Variants in DNAJC15 observed in about 807,000 individuals in gnomAD.
The protein encoded by DNAJC15 is dnaJ homolog subfamily C member 15.
A neutral mutation model predicts 22.4 loss-of-function variants in DNAJC15; 27 were observed. The observed-to-expected ratio is 1.20, with a 90% CI of 0.89 to 1.66. The LOEUF (loss-of-function observed/expected upper bound fraction) is 1.66, where lower values mean the gene tolerates loss of function less well. DNAJC15 is among the 40% of genes most tolerant of loss of function. DNAJC15 has a pLI of 0.00. For missense variants in DNAJC15, 208 were observed against 187.1 expected, an observed-to-expected ratio of 1.11 and a Z score of -0.65; for synonymous variants, 79 against 63.2, an observed-to-expected ratio of 1.25 and a Z score of -1.19.
intron 1 of DNAJC15, among the ~76,000 whole-genome samples, chr13:43,052,823 A>G (rs751133498): frequency 2.0e-5 from 3 of 152,042 alleles, no homozygotes; most frequent in Non-Finnish European, 2.9e-5. Context: ...GTTTGCAAAG[A>G]TTTTCCCCTA....
chr13:43,078,086 A>G (rs558152940), intron 3 of DNAJC15, among the ~76,000 whole-genome samples: 2 of 152,124 alleles, frequency 1.3e-5, no homozygotes, highest in African/African-American at 2.4e-5. Flanking sequence ...TCTGGTTCCC[A>G]TTATATCTCG....
intron 3 of DNAJC15, among the ~76,000 whole-genome samples, chr13:43,075,608 G>T (rs1395925380): frequency 6.6e-6 from 1 of 151,424 alleles, no homozygotes; most frequent in East Asian, 1.9e-4. Flanking sequence ...AGTAACGTAT[G>T]CATCTAGTAA....
intron 1 of DNAJC15, among the ~76,000 whole-genome samples, chr13:43,026,249 T>C (rs757688460): frequency 1.3e-4 from 20 of 152,232 alleles, no homozygotes; most frequent in Non-Finnish European, 2.6e-4. Flanking sequence ...AATAATGATA[T>C]ATTTATATAT....
chr13:43,035,210 G>A (rs2040423901), intron 1 of DNAJC15, among the ~76,000 whole-genome samples: 1 of 152,134 alleles, frequency 6.6e-6, no homozygotes, highest in Non-Finnish European at 1.5e-5. Context: ...TGGTGTTAGG[G>A]ACTGCTAATG....
intron 1 of DNAJC15, among the ~76,000 whole-genome samples, chr13:43,051,665 A>G (rs9533362): frequency 0.23 from 31,747 of 140,046 alleles, 4,240 homozygotes; most frequent in Non-Finnish European, 0.31. Flanking sequence ...GTGTGTGTAT[A>G]TATATCACAT....
At chr13:43,079,257 ACT>A (rs991419381) in intron 4 of DNAJC15, among the ~76,000 whole-genome samples, 1 of 152,092 alleles carries the variant, frequency 6.6e-6, no homozygotes, top group African/African-American at 2.4e-5. Flanking sequence ...CTTAGAGCCT[ACT>A]CTCAAGTTTT....
intron 5 of DNAJC15, among the ~76,000 whole-genome samples, chr13:43,090,381 G>A (rs77365225): frequency 0.011 from 1,643 of 152,272 alleles, 37 homozygotes; most frequent in African/African-American, 0.038. Context: ...TAAGTACTAA[G>A]TTAGGTTGTA....
chr13:43,056,425 CTG>C (rs1012491272), intron 1 of DNAJC15, among the ~76,000 whole-genome samples: 10 of 152,218 alleles, frequency 6.6e-5, no homozygotes, highest in Admixed American at 5.9e-4. Flanking sequence ...GTGTGAACCA[CTG>C]TGCCCAGCTG....
chr13:43,052,505 C>T (rs2040510077), intron 1 of DNAJC15, among the ~76,000 whole-genome samples: 1 of 151,700 alleles, frequency 6.6e-6, no homozygotes, highest in Non-Finnish European at 1.5e-5. Flanking sequence ...ACAACCTCCA[C>T]CTCCTGGGTT....
chr13:43,081,530 C>T (rs1483967031), intron 4 of DNAJC15, among the ~76,000 whole-genome samples: 14 of 152,126 alleles, frequency 9.2e-5, no homozygotes, highest in African/African-American at 3.4e-4. Flanking sequence ...GCTGCGCCTC[C>T]CAGGTTCACG....
intron 1 of DNAJC15, among the ~76,000 whole-genome samples, chr13:43,026,528 G>A (rs2040381573): frequency 6.6e-6 from 1 of 152,106 alleles, no homozygotes; most frequent in South Asian, 2.1e-4. Context: ...TAATGAGGCA[G>A]AAGATTGTTG....
chr13:43,104,684 TTTTCTTTTC>T (rs1214894530), intron 5 of DNAJC15, among the ~76,000 whole-genome samples: 1 of 144,256 alleles, frequency 6.9e-6, no homozygotes, highest in Admixed American at 7.0e-5. Context: ...TTTTCTTTTC[TTTTCTTTTC>T]TTTTTTTTTT....
chr13:43,044,125 CCTCTCTTTTTTT>C (rs1467117711), intron 1 of DNAJC15, among the ~76,000 whole-genome samples: 5 of 152,218 alleles, frequency 3.3e-5, no homozygotes, highest in African/African-American at 1.2e-4. Flanking sequence ...TTTCTTGTTT[CCTCTCTTTTTTT>C]CTCCTTTCCA....
intron 3 of DNAJC15, among the ~76,000 whole-genome samples, chr13:43,076,062 G>A (rs1489985062): frequency 6.6e-6 from 1 of 152,084 alleles, no homozygotes; most frequent in Non-Finnish European, 1.5e-5. Context: ...TATAAAATTT[G>A]TTCAGGTTAG....
chr13:43,053,497 T>G (rs1469664433), intron 1 of DNAJC15, among the ~76,000 whole-genome samples: 1 of 152,218 alleles, frequency 6.6e-6, no homozygotes, highest in Non-Finnish European at 1.5e-5. Flanking sequence ...CTTTTGGCAG[T>G]ACAGTCATTT....
chr13:43,058,492 G>A (rs1460443217), intron 1 of DNAJC15, among the ~76,000 whole-genome samples: 2 of 152,114 alleles, frequency 1.3e-5, no homozygotes, highest in Non-Finnish European at 2.9e-5. Context: ...CCACTGTGGG[G>A]TATGGGGGTG....
chr13:43,097,781 T>C (rs2040747077), intron 5 of DNAJC15, among the ~76,000 whole-genome samples: 1 of 151,804 alleles, frequency 6.6e-6, no homozygotes, highest in Admixed American at 6.6e-5. Flanking sequence ...CTATTAAAAA[T>C]ACAAAATTAG....
At chr13:43,044,791 C>T (rs995491582) in intron 1 of DNAJC15, among the ~76,000 whole-genome samples, 2 of 151,868 alleles carry the variant, frequency 1.3e-5, no homozygotes, top group African/African-American at 4.8e-5. Context: ...GCCTTACCTC[C>T]GAACTCTATC....
rs1157843877 is a variant in DNAJC15 at position 43,112,419 on chromosome 13, T to C, written c.*5171T>C. 1.3e-5 allele frequency: 2 copies of C among 152,236 alleles called. No individual in the cohort carries two copies. Among genetic ancestry groups the C allele is most frequent in the African/African-American group, 4.8e-5 (2 of 41,468 alleles). 9.4% of individuals were successfully genotyped at this position (152,236 alleles called of 1,614,324 possible). On this transcript the variant is annotated 3_prime_UTR_variant, in exon 6 of 6. Transcript: ENST00000379221. ...GTGGAATATGATCACTCAGGCTAGA[T>C]GTTGGCCATAAATTTCAAATTAGTA... is the stretch of plus-strand genomic sequence containing the variant.
Sources: allele counts gnomAD v4.1 joint callset (sites outside exome capture counted in the v4.1 genomes callset), GRCh38; gene constraint gnomAD v4.1.1; transcripts MANE v1.5; gene names NCBI Gene and HGNC (gene_info 2026-07-23, HGNC 2026-07-21).